ARHGAP15: variants seen among roughly 807,000 people sequenced by gnomAD.
ARHGAP15 encodes the protein Rho GTPase activating protein 15.
A neutral mutation model predicts 63.7 loss-of-function variants in ARHGAP15; 51 were observed. The observed-to-expected ratio is 0.80, with a 90% CI of 0.64 to 1.01. The LOEUF is 1.01. Ranked by LOEUF, ARHGAP15 falls within the 50% of genes least tolerant of loss-of-function variation. The pLI is 0.00. For missense variants in ARHGAP15, 560 were observed against 564.6 expected (o/e 0.99, Z 0.08); for synonymous variants, 191 against 193.8 (o/e 0.99, Z 0.12).
Position 143,768,305 on chromosome 2 carries a change from T to C in ARHGAP15, c.*133T>C. On this transcript the variant is annotated 3_prime_UTR_variant, in exon 14 of 14. Transcript: ENST00000295095. ...GCCTCATTTTGTGAAAACTTAATGA[T>C]GATTTTGTGTTTAAGTTCCAAACAT... 1 of 843,890 alleles carries C rather than the reference T, an allele frequency of 1.2e-6. No homozygotes were observed. The highest frequency in any genetic ancestry group is 1.9e-5 in the South Asian group (1 of 53,964). The allele number at this position is 843,890 out of a possible 1,614,324, so 52.3% of individuals were successfully genotyped here.
intron 8 of ARHGAP15, among the ~76,000 whole-genome samples, chr2:143,444,738 T>G (rs1690054720): frequency 6.6e-6 from 1 of 152,200 alleles, no homozygotes; most frequent in Non-Finnish European, 1.5e-5. Context: ...AAAATAAGTT[T>G]CTTATTACTC....
intron 9 of ARHGAP15, among the ~76,000 whole-genome samples, chr2:143,500,392 TA>T (rs1157467283): frequency 7.2e-5 from 11 of 152,020 alleles, no homozygotes; most frequent in African/African-American, 2.7e-4. Context: ...ATATTCATTT[TA>T]AAAAAATTGA....
intron 12 of ARHGAP15, among the ~76,000 whole-genome samples, chr2:143,633,187 G>A (rs188065616): frequency 4.7e-4 from 71 of 152,082 alleles, no homozygotes; most frequent in African/African-American, 1.7e-3. Flanking sequence ...GCTTTTTAAT[G>A]TGTGTGTGTG....
chr2:143,152,912 A>T, intron 1 of ARHGAP15, among the ~76,000 whole-genome samples: 1 of 151,954 alleles, frequency 6.6e-6, no homozygotes, highest in East Asian at 1.9e-4. Context: ...ATTGTGGTAG[A>T]GAGAGAGATC....
At chr2:143,385,390 G>C (rs749992206) in intron 6 of ARHGAP15, among the ~76,000 whole-genome samples, 5 of 152,120 alleles carry the variant, frequency 3.3e-5, no homozygotes, top group Admixed American at 6.6e-5. Context: ...GAGTGCTGAA[G>C]TTAAAATTCT....
chr2:143,767,306 T>G (rs2072954036), intron 13 of ARHGAP15, among the ~76,000 whole-genome samples: 1 of 152,196 alleles, frequency 6.6e-6, no homozygotes, highest in Non-Finnish European at 1.5e-5. Flanking sequence ...TCCTAGTGTT[T>G]CATTGGTATT....
intron 11 of ARHGAP15, among the ~76,000 whole-genome samples, chr2:143,611,632 T>TTTATCTTTTACCAA (rs1485578116): frequency 6.6e-6 from 1 of 152,186 alleles, no homozygotes; most frequent in African/African-American, 2.4e-5. Context: ...CAAATTTGTC[T>TTTATCTTTTACCAA]GTCCAGTCTT....
At chr2:143,508,971 A>AG (rs1693448632) in intron 9 of ARHGAP15, among the ~76,000 whole-genome samples, 1 of 152,216 alleles carries the variant, frequency 6.6e-6, no homozygotes, top group South Asian at 2.1e-4. Flanking sequence ...AAAAGTAGAA[A>AG]GGGCTGGGAA....
At chr2:143,552,313 A>G (rs1000503893) in intron 10 of ARHGAP15, among the ~76,000 whole-genome samples, 2 of 152,210 alleles carry the variant, frequency 1.3e-5, no homozygotes, top group African/African-American at 2.4e-5. Flanking sequence ...CGGGCTACCA[A>G]AAATGCTACC....
intron 2 of ARHGAP15, among the ~76,000 whole-genome samples, chr2:143,198,234 C>T (rs761927900): frequency 4.6e-5 from 7 of 151,982 alleles, no homozygotes; most frequent in Non-Finnish European, 8.8e-5. Context: ...AATAAGTACT[C>T]AATATATGTT....
intron 12 of ARHGAP15, among the ~76,000 whole-genome samples, chr2:143,666,384 G>C (rs1316151355): frequency 1.3e-5 from 2 of 152,132 alleles, no homozygotes; most frequent in African/African-American, 2.4e-5. Context: ...AGCTGAAACT[G>C]TATCGCTTCC....
At chr2:143,611,742 G>C (rs1481316285) in intron 11 of ARHGAP15, among the ~76,000 whole-genome samples, 4 of 152,030 alleles carry the variant, frequency 2.6e-5, no homozygotes, top group Non-Finnish European at 4.4e-5. Context: ...CATTCTCCCA[G>C]GCATCTTTTT....
At chr2:143,582,820 G>C (rs1445608743) in intron 11 of ARHGAP15, among the ~76,000 whole-genome samples, 6 of 152,234 alleles carry the variant, frequency 3.9e-5, no homozygotes, top group African/African-American at 1.4e-4. Context: ...GCTTGCCAAT[G>C]GGTGAGGAGG....
At chr2:143,741,311 CTTCTT>C (rs1296089737) in intron 13 of ARHGAP15, 5 of 152,196 alleles carry the variant, frequency 3.3e-5, no homozygotes, top group Non-Finnish European at 4.4e-5. Flanking sequence ...AGCATTTTGA[CTTCTT>C]TTATTTTTAA....
At chr2:143,146,350 C>A (rs1689589809) in intron 1 of ARHGAP15, among the ~76,000 whole-genome samples, 1 of 151,926 alleles carries the variant, frequency 6.6e-6, no homozygotes, top group Non-Finnish European at 1.5e-5. Flanking sequence ...ATCATCTTTA[C>A]AAATAAAAGT....
intron 6 of ARHGAP15, among the ~76,000 whole-genome samples, chr2:143,275,044 T>C (rs181555703): frequency 1.1e-3 from 167 of 151,394 alleles, no homozygotes; most frequent in African/African-American, 4.0e-3. Context: ...CCCAGATACT[T>C]AGGAAGTTGA....
chr2:143,315,001 G>A (rs924752963), intron 6 of ARHGAP15, among the ~76,000 whole-genome samples: 5 of 152,204 alleles, frequency 3.3e-5, no homozygotes, highest in African/African-American at 2.4e-5. Context: ...ATATATGTAC[G>A]TATCTTTATT....
At chr2:143,666,855 C>G (rs1020232732) in intron 12 of ARHGAP15, among the ~76,000 whole-genome samples, 1 of 149,398 alleles carries the variant, frequency 6.7e-6, no homozygotes. Context: ...AAATGCAAAT[C>G]TAAACCGCAA....
intron 6 of ARHGAP15, among the ~76,000 whole-genome samples, chr2:143,382,099 TCCCTTTCCTTCCTTCCTCC>T (rs1558933923): frequency 3.5e-5 from 1 of 28,640 alleles, no homozygotes; most frequent in African/African-American, 1.7e-4. Flanking sequence ...CCTTCCTCCC[TCCCTTTCCTTCCTTCCTCC>T]CTCCCTCCTC....
Sources: gnomAD v4.1 joint callset for allele counts (sites outside exome capture counted in the v4.1 genomes callset) on GRCh38, gnomAD v4.1.1 for gene constraint, MANE v1.5 for transcripts, NCBI Gene and HGNC (gene_info 2026-07-23, HGNC 2026-07-21) for gene names.